KCNIP1: variants seen among roughly 807,000 people sequenced by gnomAD.
KCNIP1 encodes the protein A-type potassium channel modulatory protein KCNIP1.
In KCNIP1, 18 loss-of-function variants were observed where a neutral mutation model predicts 33.0. The ratio of observed to expected loss-of-function variants is 0.55; its 90% CI spans 0.38 to 0.81. The LOEUF (loss-of-function observed/expected upper bound fraction) is 0.81, where lower values mean the gene tolerates loss of function less well. KCNIP1 is among the 30% of genes least tolerant of loss of function. KCNIP1 has a pLI of 0.00. For missense variants in KCNIP1, 238 were observed against 271.6 expected (o/e 0.88, Z 0.87); for synonymous variants, 93 against 98.3 (o/e 0.95, Z 0.32).
intron 1 of KCNIP1, among the ~76,000 whole-genome samples, chr5:170,461,987 C>A (rs1429719607): frequency 6.6e-6 from 1 of 152,102 alleles, no homozygotes; most frequent in Non-Finnish European, 1.5e-5. Context: ...GGGCTTAAAT[C>A]TAAGACCTGA....
chr5:170,583,357 A>G (rs887437106), intron 1 of KCNIP1, among the ~76,000 whole-genome samples: 2 of 152,186 alleles, frequency 1.3e-5, no homozygotes, highest in African/African-American at 4.8e-5. Flanking sequence ...ACTTATTTAT[A>G]ACCTTCCCAG....
chr5:170,558,398 A>C (rs1039124461), intron 1 of KCNIP1, among the ~76,000 whole-genome samples: 6 of 152,250 alleles, frequency 3.9e-5, no homozygotes, highest in African/African-American at 1.4e-4. Context: ...AAGAGAATAA[A>C]AAATTAATTT....
At chr5:170,606,864 T>A (rs1324490064) in intron 1 of KCNIP1, among the ~76,000 whole-genome samples, 1 of 152,190 alleles carries the variant, frequency 6.6e-6, no homozygotes, top group Non-Finnish European at 1.5e-5. Context: ...CTGGTTCCCC[T>A]CCACCGAAGC....
At chr5:170,504,014 C>A (rs1057283076), upstream of KCNIP1, 277 of 984,798 alleles carry the variant, frequency 2.8e-4, no homozygotes, top group Admixed American at 4.9e-4. This position sits in a 1 kb window ranked among gnomAD's most constrained non-coding sequence, Gnocchi z 6.0. Flanking sequence ...CCCCCTCCGC[C>A]GCTCCGACTC....
chr5:170,564,657 G>A (rs1757145693), intron 1 of KCNIP1, among the ~76,000 whole-genome samples: 1 of 152,162 alleles, frequency 6.6e-6, no homozygotes, highest in Non-Finnish European at 1.5e-5. Flanking sequence ...GTGCTGGGAC[G>A]TGGTATTGTT....
At chr5:170,453,029 G>T (rs1044043909) in intron 1 of KCNIP1, among the ~76,000 whole-genome samples, 1 of 152,224 alleles carries the variant, frequency 6.6e-6, no homozygotes, top group Non-Finnish European at 1.5e-5. Context: ...TATTTTGCAT[G>T]AAAAATGTGC....
intron 1 of KCNIP1, among the ~76,000 whole-genome samples, chr5:170,467,604 T>C (rs1256547794): frequency 1.3e-5 from 2 of 152,110 alleles, no homozygotes; most frequent in Non-Finnish European, 2.9e-5. Flanking sequence ...GTGAGCATCT[T>C]CTAACCCAAG....
Position 170,732,849 on chromosome 5 carries a change from C to T in KCNIP1, c.485C>T (p.Thr162Ile). ...ATCTATGACATGATGGGGAAATACA[C>T]ATATCCTGTGCTCAAAGAGGACACT... ...KAIYDMMGKY[T>I]YPVLKEDTPR... Residue 162 changes from threonine (T) to isoleucine (I), a missense_variant, in exon 6 of 8, where the codon ACA (threonine) becomes ATA (isoleucine). Thr to Ile is a moderately conservative substitution (Grantham distance 89, BLOSUM62 -1). Transcript: ENST00000328939. 1 of 1,613,812 alleles carries T rather than the reference C, an allele frequency of 6.2e-7. No individual in the cohort carries two copies. Among genetic ancestry groups the T allele is most frequent in the South Asian group, 1.1e-5 (1 of 91,052 alleles).
At chr5:170,596,556 C>T (rs1423467137) in intron 1 of KCNIP1, among the ~76,000 whole-genome samples, 3 of 152,236 alleles carry the variant, frequency 2.0e-5, no homozygotes, top group African/African-American at 2.4e-5. Flanking sequence ...CCCCACGTAG[C>T]ATGGAGCCAT....
intron 1 of KCNIP1, among the ~76,000 whole-genome samples, chr5:170,367,061 G>A (rs954664215): frequency 6.6e-6 from 1 of 152,134 alleles, no homozygotes; most frequent in African/African-American, 2.4e-5. Flanking sequence ...GCTCACGCCT[G>A]TAATCCCAAC....
At chr5:170,711,863 A>G (rs72837624) in intron 1 of KCNIP1, among the ~76,000 whole-genome samples, 1 of 152,274 alleles carries the variant, frequency 6.6e-6, no homozygotes, top group Non-Finnish European at 1.5e-5. Flanking sequence ...ATGCCCACCT[A>G]TACGATCACT....
At chr5:170,562,331 A>G (rs1757061950) in intron 1 of KCNIP1, among the ~76,000 whole-genome samples, 1 of 152,220 alleles carries the variant, frequency 6.6e-6, no homozygotes, top group African/African-American at 2.4e-5. Flanking sequence ...TGGGCACAGC[A>G]GCTTCCTTGT....
At chr5:170,662,808 C>T (rs1330965938) in intron 1 of KCNIP1, among the ~76,000 whole-genome samples, 6 of 152,358 alleles carry the variant, frequency 3.9e-5, no homozygotes, top group African/African-American at 9.6e-5. Context: ...TCTTCCTCCA[C>T]TCCCTGGAGA....
chr5:170,392,387 A>G (rs564027348), intron 1 of KCNIP1, among the ~76,000 whole-genome samples: 1 of 152,242 alleles, frequency 6.6e-6, no homozygotes, highest in African/African-American at 2.4e-5. Context: ...GTAATTTGTT[A>G]TGCAGTCATA....
intron 1 of KCNIP1, among the ~76,000 whole-genome samples, chr5:170,657,834 C>T (rs1761328911): frequency 6.6e-6 from 1 of 152,214 alleles, no homozygotes. Context: ...CAAACTTTGA[C>T]TGCACAGCAA....
At chr5:170,619,174 A>T (rs555095917) in intron 1 of KCNIP1, among the ~76,000 whole-genome samples, 23 of 152,302 alleles carry the variant, frequency 1.5e-4, no homozygotes, top group Admixed American at 1.4e-3. Context: ...TAATAGTTTA[A>T]CTTTTCCCTC....
chr5:170,428,435 T>TA (rs1453167929), intron 1 of KCNIP1, among the ~76,000 whole-genome samples: 6 of 152,202 alleles, frequency 3.9e-5, no homozygotes, highest in South Asian at 4.2e-4. Context: ...TTTTTTTTTT[T>TA]TTATTAAAAC....
chr5:170,361,774 A>G (rs963151524), intron 1 of KCNIP1, among the ~76,000 whole-genome samples: 1 of 152,166 alleles, frequency 6.6e-6, no homozygotes, highest in Non-Finnish European at 1.5e-5. Context: ...GAGGAAAGAG[A>G]GTAAGCTAGC....
intron 1 of KCNIP1, among the ~76,000 whole-genome samples, chr5:170,535,847 A>G (rs1755964483): frequency 6.6e-6 from 1 of 152,214 alleles, no homozygotes; most frequent in African/African-American, 2.4e-5. Context: ...TCAAATCTCC[A>G]AGATCTGCAG....
Sources: allele counts gnomAD v4.1 joint callset (sites outside exome capture counted in the v4.1 genomes callset), GRCh38; gene constraint gnomAD v4.1.1; non-coding constraint Gnocchi (gnomAD v3.1); transcripts MANE v1.5; gene names NCBI Gene and HGNC (gene_info 2026-07-23, HGNC 2026-07-21).